PIK3CB: variants seen among roughly 807,000 people sequenced by gnomAD.
PIK3CB encodes phosphatidylinositol-4,5-bisphosphate 3-kinase catalytic subunit beta.
PIK3CB carries 39 observed loss-of-function variants against 136.8 expected under a neutral mutation model. The ratio of observed to expected loss-of-function variants is 0.29; its 90% CI spans 0.22 to 0.37. The LOEUF (loss-of-function observed/expected upper bound fraction) is 0.37, where lower values mean the gene tolerates loss of function less well. Among genes scored for constraint, PIK3CB ranks in the 10% least tolerant of loss-of-function variants. The pLI, the probability that PIK3CB is intolerant of heterozygous loss-of-function variation, is 1.00. For synonymous variants in PIK3CB, 428 were observed against 436.6 expected, an observed-to-expected ratio of 0.98 and a Z score of 0.25; for missense variants, 868 against 1,275.4, an observed-to-expected ratio of 0.68 and a Z score of 4.87.
chr3:138,664,082 T>A, intron 20 of PIK3CB, 53 bp from the exon 21 acceptor site: 1 of 1,596,416 alleles, frequency 6.3e-7, no homozygotes. Flanking sequence ...TCCAAGCGTG[T>A]AGAGTGAGAC....
At chr3:138,696,998 CTT>C (rs2044150334) in intron 13 of PIK3CB, among the ~76,000 whole-genome samples, 1 of 152,168 alleles carries the variant, frequency 6.6e-6, no homozygotes, top group African/African-American at 2.4e-5. Flanking sequence ...AAAGTAATGA[CTT>C]TGGTAAGATT....
intron 21 of PIK3CB, among the ~76,000 whole-genome samples, chr3:138,662,144 G>A (rs1198761726): frequency 2.0e-5 from 3 of 147,272 alleles, no homozygotes; most frequent in Non-Finnish European, 4.5e-5. Flanking sequence ...AAGTTTTAGG[G>A]TACATGTGCA....
chr3:138,722,221 G>GAC (rs56139182), intron 8 of PIK3CB, among the ~76,000 whole-genome samples: 14,411 of 144,020 alleles, frequency 0.1, 802 homozygotes, highest in African/African-American at 0.15. Flanking sequence ...CTATGTAAGA[G>GAC]ACACACACAC....
chr3:138,813,615 C>T (rs1356943107), intron 1 of PIK3CB, among the ~76,000 whole-genome samples: 6 of 151,964 alleles, frequency 3.9e-5, no homozygotes, highest in Admixed American at 3.9e-4. Context: ...GACGGGGTTT[C>T]ACCATGTTAG....
chr3:138,767,173 G>GA (rs901863611), intron 2 of PIK3CB, among the ~76,000 whole-genome samples: 7 of 151,510 alleles, frequency 4.6e-5, no homozygotes, highest in African/African-American at 7.3e-5. Context: ...CTGTATCAAA[G>GA]AAAAAACGAA....
At chr3:138,751,587 G>A (rs559422110) in intron 4 of PIK3CB, among the ~76,000 whole-genome samples, 2 of 152,066 alleles carry the variant, frequency 1.3e-5, no homozygotes, top group South Asian at 2.1e-4. Flanking sequence ...TTTTCCTTAA[G>A]GCTACTGTAA....
chr3:138,827,323 G>A (rs1355012054), intron 1 of PIK3CB, among the ~76,000 whole-genome samples: 1 of 152,028 alleles, frequency 6.6e-6, no homozygotes, highest in East Asian at 1.9e-4. Flanking sequence ...GTCTTTTCAG[G>A]GGTAGAGCAC....
intron 19 of PIK3CB, among the ~76,000 whole-genome samples, chr3:138,667,741 T>A (rs2043446042): frequency 1.3e-5 from 2 of 151,304 alleles, no homozygotes; most frequent in South Asian, 4.2e-4. Flanking sequence ...TTTTTTTTTG[T>A]ATTTTTAGTA....
At chr3:138,777,215 T>C (rs1239416954) in intron 2 of PIK3CB, among the ~76,000 whole-genome samples, 1 of 152,144 alleles carries the variant, frequency 6.6e-6, no homozygotes, top group East Asian at 1.9e-4. Flanking sequence ...ACCTGCCAAA[T>C]GTGATGAGAG....
intron 11 of PIK3CB, among the ~76,000 whole-genome samples, chr3:138,706,120 A>C (rs949660885): frequency 6.6e-6 from 1 of 152,188 alleles, no homozygotes; most frequent in Non-Finnish European, 1.5e-5. Flanking sequence ...AGTGGCTCTC[A>C]CTTGTAATCC....
intron 22 of PIK3CB, among the ~76,000 whole-genome samples, chr3:138,656,584 G>A (rs1003482177): frequency 2.0e-5 from 3 of 152,140 alleles, no homozygotes; most frequent in African/African-American, 7.2e-5. Flanking sequence ...CACAAGAACT[G>A]ATTATTAAAT....
intron 4 of PIK3CB, among the ~76,000 whole-genome samples, chr3:138,751,457 CAA>C (rs1215387870): frequency 1.6e-5 from 2 of 125,238 alleles, no homozygotes. Context: ...GACTCCATCT[CAA>C]AAAAAAAAAA....
chr3:138,692,429 C>T (rs769839199), intron 14 of PIK3CB, among the ~76,000 whole-genome samples: 29 of 152,206 alleles, frequency 1.9e-4, no homozygotes, highest in Non-Finnish European at 3.7e-4. Context: ...CCAAGGAGAA[C>T]CAGGTGGCCC....
chr3:138,788,964 C>CAAAAAAAAAAAAAAAAAAAAAAAA (rs57432821), intron 2 of PIK3CB, among the ~76,000 whole-genome samples: 4 of 89,482 alleles, frequency 4.5e-5, no homozygotes, highest in African/African-American at 1.8e-4. Context: ...GACTTCGTCT[C>CAAAAAAAAAAAAAAAAAAAAAAAA]AAAAAAAAAA....
intron 13 of PIK3CB, among the ~76,000 whole-genome samples, chr3:138,695,593 C>A (rs2044119110): frequency 6.6e-6 from 1 of 152,084 alleles, no homozygotes; most frequent in Non-Finnish European, 1.5e-5. Context: ...GGCATTTTCT[C>A]ATATCAAGCA....
chr3:138,819,176 G>A (rs879670653), intron 1 of PIK3CB, among the ~76,000 whole-genome samples: 8 of 152,018 alleles, frequency 5.3e-5, no homozygotes, highest in African/African-American at 1.4e-4. Flanking sequence ...GTAAAACCCC[G>A]TCTCTACTAA....
At chr3:138,777,359 C>A (rs2045870381) in intron 2 of PIK3CB, among the ~76,000 whole-genome samples, 1 of 152,294 alleles carries the variant, frequency 6.6e-6, no homozygotes, top group South Asian at 2.1e-4. Context: ...CTTAAGACAC[C>A]TGCTTGTGAG....
At chr3:138,681,931 C>T (rs2108480181) in intron 19 of PIK3CB, 36 bp downstream of exon 19, 3 of 1,291,080 alleles carry the variant, frequency 2.3e-6, no homozygotes, top group Non-Finnish European at 3.3e-6. Context: ...TATGGGAAGA[C>T]ATTAGACTGA....
At chr3:138,762,423 T>C (rs1482314478) in intron 2 of PIK3CB, among the ~76,000 whole-genome samples, 2 of 152,216 alleles carry the variant, frequency 1.3e-5, no homozygotes, top group African/African-American at 4.8e-5. Flanking sequence ...TAAAGTACTG[T>C]TTCTCACCAC....
Sources: allele counts gnomAD v4.1 joint callset (sites outside exome capture counted in the v4.1 genomes callset), GRCh38; gene constraint gnomAD v4.1.1; transcripts MANE v1.5; gene names NCBI Gene and HGNC (gene_info 2026-07-23, HGNC 2026-07-21).